Variants in C8orf34 observed in about 807,000 individuals in gnomAD.
C8orf34 encodes uncharacterized protein C8orf34.
C8orf34 carries 65 observed loss-of-function variants against 68.3 expected under a neutral mutation model. The ratio of observed to expected loss-of-function variants is 0.95; its 90% CI spans 0.78 to 1.17. C8orf34 has a LOEUF of 1.17. C8orf34 is among the 50% of genes most tolerant of loss of function. The pLI, the probability that C8orf34 is intolerant of heterozygous loss-of-function variation, is 0.00. For missense variants in C8orf34, 664 were observed against 655.4 expected (o/e 1.01, Z -0.14); for synonymous variants, 244 against 241.2 (o/e 1.01, Z -0.11).
chr8:68,690,210 T>A (rs1055454454), intron 8 of C8orf34, among the ~76,000 whole-genome samples: 4 of 152,162 alleles, frequency 2.6e-5, no homozygotes, highest in Non-Finnish European at 2.9e-5. Context: ...AGTTTTTTTT[T>A]ATATGAGTGT....
At chr8:68,641,223 TTTATG>T (rs1316376412) in intron 8 of C8orf34, among the ~76,000 whole-genome samples, 10 of 152,324 alleles carry the variant, frequency 6.6e-5, no homozygotes, top group African/African-American at 2.2e-4. Flanking sequence ...TCTCCTTTTC[TTTATG>T]TCTAGCTGCT....
chr8:68,779,852 T>G (rs1350186579), intron 11 of C8orf34, among the ~76,000 whole-genome samples: 1 of 152,202 alleles, frequency 6.6e-6, no homozygotes, highest in Non-Finnish European at 1.5e-5. Context: ...GAAGATCTTT[T>G]TTCAAGAAAA....
intron 1 of C8orf34, among the ~76,000 whole-genome samples, chr8:68,334,710 C>CT (rs1208536656): frequency 6.6e-6 from 1 of 152,186 alleles, no homozygotes; most frequent in African/African-American, 2.4e-5. Context: ...CTACATTTCT[C>CT]TAAGTATGGT....
chr8:68,394,300 C>T (rs899211769), intron 1 of C8orf34, among the ~76,000 whole-genome samples: 2 of 142,024 alleles, frequency 1.4e-5, no homozygotes, highest in African/African-American at 5.2e-5. Flanking sequence ...CATATGTTCT[C>T]ATTGTTCAAT....
chr8:68,619,141 A>G (rs1248238836), intron 7 of C8orf34, among the ~76,000 whole-genome samples: 1 of 152,030 alleles, frequency 6.6e-6, no homozygotes, highest in African/African-American at 2.4e-5. Context: ...CAGCCTGGGC[A>G]ACATGGTGAA....
intron 10 of C8orf34, among the ~76,000 whole-genome samples, chr8:68,749,580 GC>G (rs1822637235): frequency 1.3e-5 from 2 of 152,044 alleles, no homozygotes; most frequent in Admixed American, 6.5e-5. Context: ...GATTCCTCAT[GC>G]CTATTTATAG....
chr8:68,706,434 G>GC (rs1416611668), intron 8 of C8orf34, among the ~76,000 whole-genome samples: 1 of 151,234 alleles, frequency 6.6e-6, no homozygotes, highest in Non-Finnish European at 1.5e-5. Flanking sequence ...AGGTGAATTT[G>GC]TTTTCGGAGA....
intron 8 of C8orf34, among the ~76,000 whole-genome samples, chr8:68,699,312 C>T (rs1820922367): frequency 6.6e-6 from 1 of 152,082 alleles, no homozygotes; most frequent in Non-Finnish European, 1.5e-5. Flanking sequence ...ACATGAAACC[C>T]TGTTAAAAAT....
chr8:68,715,099 A>G lies in C8orf34; in HGVS notation c.1327+6020A>G, dbSNP rs111414496. Among the ~76,000 whole-genome samples the G allele has an allele frequency of 6.8e-3, 1,039 of 152,246 alleles. 18 individuals are homozygous for G. The highest frequency in any genetic ancestry group is 0.024 in the African/African-American group (987 of 41,566). ...TGTAGAAGAATGAAACTGGATCCTCATCTCTCATCTTATACAAAAATCAAC... is the reference window on the plus strand; with the variant it reads ...TGTAGAAGAATGAAACTGGATCCTCGTCTCTCATCTTATACAAAAATCAAC... On this transcript the variant is annotated intron_variant, in intron 9 of 13. Transcript: ENST00000518698.
At chr8:68,704,778 T>C (rs1023757293) in intron 8 of C8orf34, among the ~76,000 whole-genome samples, 12 of 150,882 alleles carry the variant, frequency 8.0e-5, no homozygotes, top group African/African-American at 9.8e-5. Context: ...CTTGACATTA[T>C]ACTCCTAAAA....
At chr8:68,725,534 T>C (rs1339393652) in intron 10 of C8orf34, among the ~76,000 whole-genome samples, 1 of 152,380 alleles carries the variant, frequency 6.6e-6, no homozygotes, top group South Asian at 2.1e-4. Flanking sequence ...TGATATCACA[T>C]ATTTGTACAG....
chr8:68,597,625 G>A (rs1408875163), intron 7 of C8orf34, among the ~76,000 whole-genome samples: 1 of 151,844 alleles, frequency 6.6e-6, no homozygotes, highest in African/African-American at 2.4e-5. Context: ...AAATTTAAGT[G>A]GGTTATTTCC....
At chr8:68,503,906 A>G (rs1045575841) in intron 5 of C8orf34, among the ~76,000 whole-genome samples, 1 of 152,130 alleles carries the variant, frequency 6.6e-6, no homozygotes, top group Non-Finnish European at 1.5e-5. Context: ...AATTTCATGT[A>G]TTATTTTAAC....
chr8:68,628,964 C>G (rs1818613800), intron 7 of C8orf34, among the ~76,000 whole-genome samples: 1 of 151,860 alleles, frequency 6.6e-6, no homozygotes, highest in Non-Finnish European at 1.5e-5. Flanking sequence ...GTTCATTTTC[C>G]TCAATACAAC....
chr8:68,775,943 G>A (rs1823502792), intron 10 of C8orf34, among the ~76,000 whole-genome samples: 1 of 152,134 alleles, frequency 6.6e-6, no homozygotes, highest in Admixed American at 6.6e-5. Context: ...TCATAAGTGG[G>A]AGCTGAACAA....
chr8:68,772,271 G>A (rs1823362811), intron 10 of C8orf34, among the ~76,000 whole-genome samples: 1 of 152,206 alleles, frequency 6.6e-6, no homozygotes, highest in Non-Finnish European at 1.5e-5. Context: ...CTACACACAA[G>A]TGCCAGTCTG....
At chr8:68,669,632 T>C (rs960678985) in intron 8 of C8orf34, among the ~76,000 whole-genome samples, 3 of 152,224 alleles carry the variant, frequency 2.0e-5, no homozygotes, top group African/African-American at 7.2e-5. Context: ...AATGTTCATA[T>C]TGATATTTCA....
At chr8:68,556,840 A>C (rs73683561) in intron 7 of C8orf34, among the ~76,000 whole-genome samples, 32,220 of 152,106 alleles carry the variant, frequency 0.21, 4,441 homozygotes, top group African/African-American at 0.4. Flanking sequence ...ATTTCCCTTT[A>C]ACAGCTAACA....
chr8:68,497,031 G>A (rs985598474), intron 5 of C8orf34, among the ~76,000 whole-genome samples: 4 of 152,150 alleles, frequency 2.6e-5, no homozygotes, highest in Non-Finnish European at 5.9e-5. Flanking sequence ...CAGCATGGTT[G>A]TGGTCCATGT....
Sources: allele counts gnomAD v4.1 joint callset (sites outside exome capture counted in the v4.1 genomes callset), GRCh38; gene constraint gnomAD v4.1.1; transcripts MANE v1.5; gene names NCBI Gene and HGNC (gene_info 2026-07-23, HGNC 2026-07-21).